MAD1L1: variants seen among roughly 807,000 people sequenced by gnomAD.
The protein encoded by MAD1L1 is mitotic arrest deficient 1 like 1.
In MAD1L1, 95 loss-of-function variants were observed where a neutral mutation model predicts 96.9. That is an observed-to-expected ratio of 0.98 (90% CI 0.83 to 1.16). The LOEUF (loss-of-function observed/expected upper bound fraction) is 1.16. Among genes scored for constraint, MAD1L1 ranks in the 50% most tolerant of loss-of-function variants. MAD1L1 has a pLI of 0.00. For missense variants in MAD1L1, 1,007 were observed against 954.4 expected (o/e 1.06, Z -0.73); for synonymous variants, 473 against 396.6 (o/e 1.19, Z -2.29).
intron 1 of MAD1L1, among the ~76,000 whole-genome samples, chr7:2,232,145 G>A (rs1282517698): frequency 6.6e-6 from 1 of 152,186 alleles, no homozygotes; most frequent in African/African-American, 2.4e-5. Context: ...ATGGCAGGCC[G>A]GCCCACCAGC....
intron 8 of MAD1L1, 65 bp from the exon 9 acceptor site, chr7:2,216,064 G>C: frequency 6.2e-7 from 1 of 1,610,634 alleles, no homozygotes. Context: ...AAGAGCCCGG[G>C]AGCCCTGCCC....
chr7:2,067,370 T>C (rs1279880523), intron 12 of MAD1L1, among the ~76,000 whole-genome samples: 1 of 151,948 alleles, frequency 6.6e-6, no homozygotes, highest in African/African-American at 2.4e-5. Flanking sequence ...ACATCTGAGA[T>C]CCCAGAGAAA....
At chr7:1,909,864 ACT>A (rs2128449387) in intron 17 of MAD1L1, among the ~76,000 whole-genome samples, 1 of 151,996 alleles carries the variant, frequency 6.6e-6, no homozygotes, top group East Asian at 1.9e-4. Context: ...GAAACTGCAC[ACT>A]CTGCTCCAGT....
At chr7:1,976,671 A>T (rs1450991387) in intron 15 of MAD1L1, among the ~76,000 whole-genome samples, 1 of 151,968 alleles carries the variant, frequency 6.6e-6, no homozygotes, top group East Asian at 1.9e-4. Flanking sequence ...GGCTCCACCC[A>T]CTCCTGCTGA....
At chr7:2,191,255 G>A (rs1307941980) in intron 10 of MAD1L1, among the ~76,000 whole-genome samples, 1 of 152,012 alleles carries the variant, frequency 6.6e-6, no homozygotes, top group African/African-American at 2.4e-5. Context: ...AGTACGCTGG[G>A]AGCCTGTTAC....
intron 18 of MAD1L1, among the ~76,000 whole-genome samples, chr7:1,832,384 A>G (rs1340751322): frequency 2.0e-5 from 3 of 151,948 alleles, no homozygotes; most frequent in Admixed American, 2.0e-4. Context: ...GAACAAAGAA[A>G]GTGGTTTCTT....
At chr7:2,188,851 T>G (rs1235271040) in intron 10 of MAD1L1, among the ~76,000 whole-genome samples, 1 of 152,210 alleles carries the variant, frequency 6.6e-6, no homozygotes, top group African/African-American at 2.4e-5. Context: ...GGTAAATTTT[T>G]AAATTTTAAA....
chr7:2,060,413 TGATGCTGAGATACGCC>T (rs1326364717), intron 12 of MAD1L1, among the ~76,000 whole-genome samples: 1 of 146,816 alleles, frequency 6.8e-6, no homozygotes, highest in Non-Finnish European at 1.5e-5. Flanking sequence ...TGAGATACAC[TGATGCTGAGATACGCC>T]GATGCTGAGA....
In MAD1L1 at chr7:1,996,631, G is replaced by A. The variant is rs987627044; in HGVS notation, c.1416+5434C>T. On this transcript the variant is annotated intron_variant, in intron 14 of 18. Transcript: ENST00000265854. Reference sequence around the variant, plus strand: ...AGATGGACAAAGAAGGGTGGGGGACGGGAAGCAGCCTGTCCGGGCCTCAGT... The same window carrying A: ...AGATGGACAAAGAAGGGTGGGGGACAGGAAGCAGCCTGTCCGGGCCTCAGT... 6.6e-5 allele frequency among the ~76,000 whole-genome samples: 10 copies of A among 152,346 alleles called. No individual in the cohort carries two copies. In the East Asian group the frequency reaches 1.7e-3, roughly 26 times the overall value.
chr7:1,988,974 G>T (rs1431658650), intron 14 of MAD1L1, among the ~76,000 whole-genome samples: 1 of 152,256 alleles, frequency 6.6e-6, no homozygotes, highest in Non-Finnish European at 1.5e-5. Context: ...CCCTTCCTGG[G>T]CTGCCTCACA....
At chr7:2,002,507 A>T (rs1781843704) in intron 13 of MAD1L1, among the ~76,000 whole-genome samples, 1 of 152,208 alleles carries the variant, frequency 6.6e-6, no homozygotes, top group Non-Finnish European at 1.5e-5. Context: ...AGAGGAAATC[A>T]ATTCACTCTC....
At chr7:1,826,960 A>C (rs1782425435) in intron 18 of MAD1L1, among the ~76,000 whole-genome samples, 1 of 152,096 alleles carries the variant, frequency 6.6e-6, no homozygotes, top group African/African-American at 2.4e-5. Context: ...CCAAACCAAC[A>C]ATTATTATTA....
chr7:2,109,478 T>C (rs1787268921), intron 11 of MAD1L1: 3 of 152,286 alleles, frequency 2.0e-5, no homozygotes, highest in East Asian at 1.9e-4. Context: ...CCTATGTTTG[T>C]AAACGTCAGA....
intron 18 of MAD1L1, among the ~76,000 whole-genome samples, chr7:1,844,499 C>T (rs540096603): frequency 3.3e-5 from 5 of 152,300 alleles, no homozygotes; most frequent in South Asian, 4.1e-4. Context: ...AGGAGCTTGA[C>T]ACGGAGCCCT....
At chr7:1,914,489 G>A (rs1387276519) in intron 17 of MAD1L1, among the ~76,000 whole-genome samples, 1 of 152,236 alleles carries the variant, frequency 6.6e-6, no homozygotes, top group African/African-American at 2.4e-5. Flanking sequence ...GGTGCTTCTG[G>A]GAGCCAGAAA....
intron 11 of MAD1L1, among the ~76,000 whole-genome samples, chr7:2,135,254 A>G (rs561506579): frequency 6.6e-6 from 1 of 152,296 alleles, no homozygotes; most frequent in African/African-American, 2.4e-5. Flanking sequence ...GCGGGGCCAG[A>G]CTTATTCCAC....
chr7:2,082,132 C>G (rs1031616767), intron 11 of MAD1L1, among the ~76,000 whole-genome samples: 1 of 152,116 alleles, frequency 6.6e-6, no homozygotes, highest in Middle Eastern at 3.4e-3. Flanking sequence ...CTCCCGGGAA[C>G]ACCTGCGCAG....
intron 10 of MAD1L1, among the ~76,000 whole-genome samples, chr7:2,207,025 C>A (rs1369436550): frequency 1.3e-5 from 2 of 151,100 alleles, no homozygotes; most frequent in Non-Finnish European, 2.9e-5. Flanking sequence ...TTGCAGTAAG[C>A]CAAGATCGCA....
intron 16 of MAD1L1, among the ~76,000 whole-genome samples, chr7:1,948,132 T>A (rs552583621): frequency 2.6e-5 from 4 of 152,096 alleles, no homozygotes; most frequent in Middle Eastern, 3.2e-3. Context: ...CTGGGGCACC[T>A]GCAGGGGGCG....
Sources: allele counts gnomAD v4.1 joint callset (sites outside exome capture counted in the v4.1 genomes callset), GRCh38; gene constraint gnomAD v4.1.1; transcripts MANE v1.5; gene names NCBI Gene and HGNC (gene_info 2026-07-23, HGNC 2026-07-21).